Variants in SLC35F3 observed in about 807,000 individuals in gnomAD.
SLC35F3 encodes the protein solute carrier family 35 member F3.
SLC35F3 carries 25 observed loss-of-function variants against 49.9 expected under a neutral mutation model. The observed-to-expected ratio is 0.50, with a 90% confidence interval of 0.37 to 0.70. The LOEUF is 0.70. Ranked by LOEUF, SLC35F3 falls within the 30% of genes least tolerant of loss-of-function variation. SLC35F3 has a pLI of 0.00. For missense variants in SLC35F3, 525 were observed against 639.8 expected, an observed-to-expected ratio of 0.82 and a Z score of 1.94; for synonymous variants, 275 against 265.4, an observed-to-expected ratio of 1.04 and a Z score of -0.35.
chr1:233,916,964 G>GATTC (rs71170446), intron 2 of SLC35F3, among the ~76,000 whole-genome samples: 141,302 of 152,116 alleles, frequency 0.93, 66,484 homozygotes, highest in East Asian at 1. Context: ...TTTATTCAGT[G>GATTC]ATTCATTCCT....
intron 2 of SLC35F3, among the ~76,000 whole-genome samples, chr1:234,108,037 A>C (rs1049123562): frequency 6.6e-5 from 10 of 151,556 alleles, no homozygotes; most frequent in African/African-American, 2.2e-4. Context: ...GATAAGCATA[A>C]GCCCCCTAAG....
At chr1:234,019,267 G>A (rs892980443) in intron 2 of SLC35F3, among the ~76,000 whole-genome samples, 2 of 152,184 alleles carry the variant, frequency 1.3e-5, no homozygotes, top group Non-Finnish European at 2.9e-5. Flanking sequence ...CAGGCTGGAA[G>A]GGGTGAGGTC....
rs1007097936 is a variant in SLC35F3, at chr1:234,204,197, C to G, written c.284-27220C>G. On this transcript the variant is annotated intron_variant, in intron 2 of 7. Coordinates refer to ENST00000366618, the MANE Select transcript of SLC35F3 (RefSeq NM_173508.4). Reference sequence around the variant, plus strand: ...CTTTGAAGCTTATCTATATTCACATCAGTTTATTTTTTAGAAAAAAAAATA... The same window carrying G: ...CTTTGAAGCTTATCTATATTCACATGAGTTTATTTTTTAGAAAAAAAAATA... Among the ~76,000 whole-genome samples the G allele has an allele frequency of 4.6e-5, 7 of 151,870 alleles. No homozygotes were observed. In the South Asian group the frequency reaches 1.5e-3, roughly 32 times the overall value.
At chr1:234,217,714 C>G (rs1667143674) in intron 2 of SLC35F3, among the ~76,000 whole-genome samples, 2 of 152,006 alleles carry the variant, frequency 1.3e-5, no homozygotes, top group African/African-American at 4.8e-5. Flanking sequence ...AAGGAGAAGG[C>G]CTTGCCGGGG....
chr1:234,091,507 G>T (rs1022358524), intron 2 of SLC35F3, among the ~76,000 whole-genome samples: 1 of 152,156 alleles, frequency 6.6e-6, no homozygotes, highest in Non-Finnish European at 1.5e-5. Flanking sequence ...TGGAAAGTCT[G>T]TTCATGCATC....
chr1:234,198,280 G>T (rs2102933042), intron 2 of SLC35F3, among the ~76,000 whole-genome samples: 1 of 152,338 alleles, frequency 6.6e-6, no homozygotes, highest in East Asian at 1.9e-4. Context: ...CCTAGGAAAA[G>T]TGTGCTGGAT....
At chr1:234,274,391 A>G (rs1223767742) in intron 3 of SLC35F3, 3 of 152,250 alleles carry the variant, frequency 2.0e-5, no homozygotes, top group African/African-American at 7.2e-5. Flanking sequence ...GAAGATACCA[A>G]ATGGTATAAG....
Position 234,323,485 on chromosome 1 carries a change from G to A in SLC35F3, c.*242G>A. On this transcript the variant is annotated 3_prime_UTR_variant, in exon 8 of 8. Transcript: ENST00000366618. This position sits in a 1 kb window ranked among gnomAD's most constrained non-coding sequence, Gnocchi z 4.5. ...GTGCTTTTCCAACGAATGTAAAGTG[G>A]GTTTAAAAGTTCCCTGCGTAGATCG... 1.9e-6 allele frequency: 1 copy of A among 537,726 alleles called. No homozygotes were observed. Among genetic ancestry groups the A allele is most frequent in the Non-Finnish European group, 3.3e-6 (1 of 301,240 alleles). The allele number at this position is 537,726 out of a possible 1,614,324, so 33.3% of individuals were successfully genotyped here. A position where few individuals can be genotyped will look rare whatever the true frequency, so the allele number is the denominator to read the frequency against.
chr1:234,150,540 C>T (rs77692506), intron 2 of SLC35F3, among the ~76,000 whole-genome samples: 2,642 of 152,162 alleles, frequency 0.017, 34 homozygotes, highest in Non-Finnish European at 0.026. Flanking sequence ...ACTTTTCATC[C>T]CTTATCTTAC....
intron 2 of SLC35F3, among the ~76,000 whole-genome samples, chr1:234,181,220 C>G: frequency 6.6e-6 from 1 of 151,080 alleles, no homozygotes; most frequent in Non-Finnish European, 1.5e-5. Flanking sequence ...CCTGTAATTC[C>G]AGCTACTTGG....
intron 2 of SLC35F3, among the ~76,000 whole-genome samples, chr1:234,090,606 C>T (rs1665028677): frequency 6.6e-6 from 1 of 152,184 alleles, no homozygotes; most frequent in South Asian, 2.1e-4. Context: ...GTGCAAGCAT[C>T]ATCAAGCTAC....
At chr1:233,929,446 T>C (rs1308699041) in intron 2 of SLC35F3, among the ~76,000 whole-genome samples, 1 of 152,234 alleles carries the variant, frequency 6.6e-6, no homozygotes, top group Non-Finnish European at 1.5e-5. Context: ...CTTCACTTTG[T>C]AGTGGAAAAA....
rs567442559 is a variant in SLC35F3 at position 234,025,281 on chromosome 1, T to TAAGTGCA, written c.283+119524_283+119530dup. On this transcript the variant is annotated intron_variant, in intron 2 of 7. Coordinates refer to ENST00000366618, the MANE Select transcript of SLC35F3 (RefSeq NM_173508.4). ...TGTAAATAGTGCTGCAAGGAACTTATAAGTGCATATGTCCTTTTGGCAGAA... is the reference window on the plus strand; with the variant it reads ...TGTAAATAGTGCTGCAAGGAACTTATAAGTGCAAAGTGCATATGTCCTTTTGGCAGAA... 2.0e-5 allele frequency among the ~76,000 whole-genome samples: 3 copies of TAAGTGCA among 152,386 alleles called. No homozygotes were observed. In the East Asian group the frequency reaches 5.8e-4, roughly 29 times the overall value.
At chr1:233,954,028 A>G (rs1662653485) in intron 2 of SLC35F3, among the ~76,000 whole-genome samples, 1 of 146,820 alleles carries the variant, frequency 6.8e-6, no homozygotes, top group Non-Finnish European at 1.5e-5. Flanking sequence ...TTTTTTTGAG[A>G]CGGAGTCTCG....
intron 2 of SLC35F3, among the ~76,000 whole-genome samples, chr1:234,121,552 GC>G (rs1226812597): frequency 1.3e-5 from 2 of 151,904 alleles, no homozygotes; most frequent in East Asian, 1.9e-4. Flanking sequence ...AATTAAAGAA[GC>G]TTTTTTTTTC....
At chr1:234,124,181 A>G (rs759907123) in intron 2 of SLC35F3, among the ~76,000 whole-genome samples, 2 of 152,220 alleles carry the variant, frequency 1.3e-5, no homozygotes, top group Non-Finnish European at 2.9e-5. Context: ...ATGTAGTGTC[A>G]ATGAGCAAGA....
intron 2 of SLC35F3, among the ~76,000 whole-genome samples, chr1:233,979,720 T>TG (rs1663149849): frequency 6.6e-6 from 1 of 152,200 alleles, no homozygotes; most frequent in Non-Finnish European, 1.5e-5. Flanking sequence ...GTTAATGCAC[T>TG]GGGGCCACCT....
intron 3 of SLC35F3, among the ~76,000 whole-genome samples, chr1:234,240,612 A>T (rs1214534961): frequency 6.6e-6 from 1 of 152,112 alleles, no homozygotes; most frequent in Non-Finnish European, 1.5e-5. Flanking sequence ...CTGAAAAAAA[A>T]AAATAAAAAA....
At chr1:234,079,848 G>T (rs1378325395) in intron 2 of SLC35F3, among the ~76,000 whole-genome samples, 1 of 152,188 alleles carries the variant, frequency 6.6e-6, no homozygotes, top group East Asian at 1.9e-4. Context: ...ATAAAAAACA[G>T]TTTGACAGTG....
Sources: allele counts gnomAD v4.1 joint callset (sites outside exome capture counted in the v4.1 genomes callset), GRCh38; gene constraint gnomAD v4.1.1; non-coding constraint Gnocchi (gnomAD v3.1); transcripts MANE v1.5; gene names NCBI Gene and HGNC (gene_info 2026-07-23, HGNC 2026-07-21).